Variants in FZD3 observed in about 807,000 individuals in gnomAD.
FZD3 encodes frizzled class receptor 3, also known as frizzled-3.
In FZD3, 30 loss-of-function variants were observed where a neutral mutation model predicts 60.7. That is an observed-to-expected ratio of 0.49 (90% confidence interval 0.37 to 0.67). The LOEUF (loss-of-function observed/expected upper bound fraction) is 0.67. FZD3 is among the 30% of genes least tolerant of loss of function. FZD3 has a pLI of 0.00. For missense variants in FZD3, 605 were observed against 838.7 expected, an observed-to-expected ratio of 0.72 and a Z score of 3.44; for synonymous variants, 246 against 275.2, an observed-to-expected ratio of 0.89 and a Z score of 1.05.
chr8:28,535,005 C>T (rs1188693116), intron 5 of FZD3, among the ~76,000 whole-genome samples: 2 of 152,130 alleles, frequency 1.3e-5, no homozygotes, highest in African/African-American at 2.4e-5. Context: ...AATATATTTG[C>T]TTAAAAACCA....
chr8:28,507,125 G>A (rs1804162536), intron 3 of FZD3, among the ~76,000 whole-genome samples: 1 of 152,068 alleles, frequency 6.6e-6, no homozygotes, highest in Non-Finnish European at 1.5e-5. Context: ...TCAAATTAAT[G>A]TTCAAATTAC....
At chr8:28,549,902 C>G (rs888749741) in intron 5 of FZD3, among the ~76,000 whole-genome samples, 2 of 152,074 alleles carry the variant, frequency 1.3e-5, no homozygotes, top group Admixed American at 6.5e-5. Context: ...TCTTTGCATT[C>G]CCCTGTTTGG....
intron 7 of FZD3, among the ~76,000 whole-genome samples, chr8:28,558,624 G>A (rs1805558200): frequency 1.3e-5 from 2 of 151,996 alleles, no homozygotes; most frequent in African/African-American, 4.8e-5. Flanking sequence ...TAGAGACAGG[G>A]TTTTGACATG....
rs759031281 is a variant in FZD3, at chr8:28,509,624, AC to A, written c.189+6424del. 9.8e-5 allele frequency among the ~76,000 whole-genome samples: 15 copies of A among 152,294 alleles called. 1 individual carries two copies. The East Asian group carries it at 1.9e-3, about 20-fold the overall frequency. The stretch of plus-strand genomic sequence containing the variant: ...TTCTTCTCCCTAGTCCCTGGCAACT[AC>A]CGTTTTACTTTCTTTGCCTCTGAAG... On this transcript the variant is annotated intron_variant, in intron 3 of 7. Coordinates refer to ENST00000240093, the MANE Select transcript of FZD3 (RefSeq NM_017412.4).
At chr8:28,519,246 A>T (rs1804509839) in intron 3 of FZD3, among the ~76,000 whole-genome samples, 1 of 152,222 alleles carries the variant, frequency 6.6e-6, no homozygotes, top group Non-Finnish European at 1.5e-5. Flanking sequence ...ACTATTATAT[A>T]AATAAATGCA....
At chr8:28,553,850 A>G (rs1314640997) in intron 6 of FZD3, among the ~76,000 whole-genome samples, 1 of 152,270 alleles carries the variant, frequency 6.6e-6, no homozygotes, top group African/African-American at 2.4e-5. Flanking sequence ...TATTGGGCAC[A>G]TTTAATACTC....
intron 7 of FZD3, among the ~76,000 whole-genome samples, chr8:28,561,031 T>C (rs1805603143): frequency 6.6e-6 from 1 of 152,206 alleles, no homozygotes; most frequent in African/African-American, 2.4e-5. Context: ...ATTTAACTTT[T>C]CTTTTTTGCT....
At chr8:28,510,835 G>C (rs1203627376) in intron 3 of FZD3, among the ~76,000 whole-genome samples, 1 of 151,746 alleles carries the variant, frequency 6.6e-6, no homozygotes, top group African/African-American at 2.4e-5. Context: ...TCAGGAGTTG[G>C]AGACCAGCCT....
intron 5 of FZD3, among the ~76,000 whole-genome samples, chr8:28,533,253 G>T (rs1804925645): frequency 6.6e-6 from 1 of 151,248 alleles, no homozygotes; most frequent in Non-Finnish European, 1.5e-5. Flanking sequence ...GTCCAGGCAG[G>T]TCTCAAACTC....
At chr8:28,543,694 T>C (rs1460263691) in intron 5 of FZD3, among the ~76,000 whole-genome samples, 3 of 151,942 alleles carry the variant, frequency 2.0e-5, no homozygotes, top group African/African-American at 4.8e-5. Context: ...ACTCTACTTT[T>C]ATGAGATTTT....
Position 28,527,243 on chromosome 8 carries a change from T to C in FZD3, c.483T>C (p.Tyr161=), listed in dbSNP as rs1237070439. The C allele has an allele frequency of 6.2e-6, 10 of 1,613,988 alleles. No homozygotes were observed. The South Asian group carries it at 1.1e-4, about 18-fold the overall frequency. ...CCCCAGTGGCAGTGCAGAGAGACTA[T>C]GGTTTTTGGTGTCCCCGAGAGTTAA... ...EGAPVAVQRD[Y]GFWCPRELKI... Residue 161 remains tyrosine (Y), a synonymous_variant, in exon 5 of 8, where the codon TAT becomes TAC. Coordinates refer to ENST00000240093, the MANE Select transcript of FZD3 (RefSeq NM_017412.4). The surrounding 1 kb of genome is among the most constrained non-coding windows in gnomAD (Gnocchi z 5.0).
At chr8:28,522,239 TTTG>T (rs752650570) in intron 4 of FZD3, among the ~76,000 whole-genome samples, 1 of 151,848 alleles carries the variant, frequency 6.6e-6, no homozygotes, top group Non-Finnish European at 1.5e-5. Context: ...TGGATACCAA[TTTG>T]TTTTCTTACA....
chr8:28,497,570 AACC>A (rs1803876493), intron 1 of FZD3, among the ~76,000 whole-genome samples: 2 of 152,232 alleles, frequency 1.3e-5, no homozygotes, highest in Non-Finnish European at 1.5e-5. Flanking sequence ...GGCACTGTGT[AACC>A]AGCATTTACT....
At position 28,516,657 on chromosome 8, in the gene FZD3, A is replaced by G. The variant is rs1286307865; in HGVS notation, c.190-3981A>G. On this transcript the variant is annotated intron_variant, in intron 3 of 7. Transcript: ENST00000240093. ...TTTTTGATGCTCTTATAAATGGAAT[A>G]ATTTTTTATAATTTTCTGTTGGTGG... 2.6e-5 allele frequency among the ~76,000 whole-genome samples: 4 copies of G among 152,098 alleles called. No individual in the cohort carries two copies. In the East Asian group the frequency reaches 7.7e-4, roughly 29 times the overall value.
At chr8:28,503,452 G>T (rs1481999685) in intron 3 of FZD3, among the ~76,000 whole-genome samples, 1 of 152,082 alleles carries the variant, frequency 6.6e-6, no homozygotes, top group African/African-American at 2.4e-5. Flanking sequence ...TCAGAACATG[G>T]GAGATAGCAG....
intron 3 of FZD3, among the ~76,000 whole-genome samples, chr8:28,515,074 G>A (rs894470225): frequency 6.6e-6 from 1 of 152,072 alleles, no homozygotes; most frequent in Non-Finnish European, 1.5e-5. Flanking sequence ...TCTGTATCTC[G>A]TTTTCTTCAC....
At chr8:28,540,645 T>A (rs1194814771) in intron 5 of FZD3, among the ~76,000 whole-genome samples, 1 of 152,222 alleles carries the variant, frequency 6.6e-6, no homozygotes, top group African/African-American at 2.4e-5. Context: ...TTGTGAGTTT[T>A]TTCTTTAAAA....
rs1169824996 is a variant in FZD3, at chr8:28,567,033, G to A, written c.*4022G>A. 1 of 152,184 alleles carries A rather than the reference G, an allele frequency of 6.6e-6. No individual in the cohort carries two copies. The highest frequency in any genetic ancestry group is 1.5e-5 in the Non-Finnish European group (1 of 68,040). The allele number at this position is 152,184 out of a possible 1,614,324, so 9.4% of individuals were successfully genotyped here. A position where few individuals can be genotyped will look rare whatever the true frequency, so the allele number is the denominator to read the frequency against. On this transcript the variant is annotated 3_prime_UTR_variant, in exon 8 of 8. Coordinates refer to ENST00000240093, the MANE Select transcript of FZD3 (RefSeq NM_017412.4). ...GTCTTGCTCTGTCACACAGGCTGGA[G>A]AGCAGTGGCATAATCATAGTTCATT... is the stretch of plus-strand genomic sequence containing the variant.
At chr8:28,550,435 CTGT>C (rs765763419) in intron 5 of FZD3, among the ~76,000 whole-genome samples, 2,950 of 106,732 alleles carry the variant, frequency 0.028, 74 homozygotes, top group South Asian at 0.096. Context: ...ATTAGTTCTG[CTGT>C]TTTTTTTTTT....
Sources: gnomAD v4.1 joint callset for allele counts (sites outside exome capture counted in the v4.1 genomes callset) on GRCh38, gnomAD v4.1.1 for gene constraint, Gnocchi (gnomAD v3.1) non-coding constraint, MANE v1.5 for transcripts, NCBI Gene and HGNC (gene_info 2026-07-23, HGNC 2026-07-21) for gene names.